Variants in BCAS3 observed in about 807,000 individuals in gnomAD.
The protein encoded by BCAS3 is BCAS4/BCAS3 fusion.
In BCAS3, 53 loss-of-function variants were observed where a neutral mutation model predicts 116.1. The observed-to-expected ratio is 0.46, with a 90% CI of 0.37 to 0.57. The LOEUF is 0.57. Ranked by LOEUF, BCAS3 falls within the 20% of genes least tolerant of loss-of-function variation. BCAS3 has a pLI of 0.00. For missense variants in BCAS3, 917 were observed against 1,165.4 expected, an observed-to-expected ratio of 0.79 and a Z score of 3.10; for synonymous variants, 391 against 408.2, an observed-to-expected ratio of 0.96 and a Z score of 0.51.
intron 22 of BCAS3, among the ~76,000 whole-genome samples, chr17:61,350,977 T>TG (rs1259680076): frequency 6.6e-6 from 1 of 152,142 alleles, no homozygotes; most frequent in African/African-American, 2.4e-5. Context: ...TGCCACAACT[T>TG]GGAGTTATTT....
intron 15 of BCAS3, among the ~76,000 whole-genome samples, chr17:60,991,836 T>G (rs2063543683): frequency 6.6e-6 from 1 of 152,190 alleles, no homozygotes; most frequent in African/African-American, 2.4e-5. Context: ...TTACTTGTCC[T>G]GTATATTTTA....
Position 60,964,648 on chromosome 17 carries a change from CA to C in BCAS3, c.1221+17297del, listed in dbSNP as rs1311520519. Among the ~76,000 whole-genome samples the C allele has an allele frequency of 1.3e-5, 2 of 152,124 alleles. No individual in the cohort carries two copies. Among genetic ancestry groups the C allele is most frequent in the Non-Finnish European group, 2.9e-5 (2 of 68,016 alleles). On this transcript the variant is annotated intron_variant, in intron 14 of 23. Transcript: ENST00000407086. The surrounding 1 kb of genome is among the most constrained non-coding windows in gnomAD (Gnocchi z 4.6). ...TCTTTAAATGTTTGGTAGAATTCAG[CA>C]GTGAAGTTGTGAAGTCCTGGGATTT...
rs554747415 is a variant in BCAS3, at chr17:61,349,592, A to G, written c.2426-18735A>G. Among the ~76,000 whole-genome samples the G allele has an allele frequency of 2.0e-5, 3 of 152,322 alleles. No individual in the cohort carries two copies. The East Asian group carries it at 5.8e-4, about 29-fold the overall frequency. On this transcript the variant is annotated intron_variant, in intron 22 of 23. Transcript: ENST00000407086. This position sits in a 1 kb window ranked among gnomAD's most constrained non-coding sequence, Gnocchi z 4.7. ...GATTGCCTACTCCATTTTGTGGAAT[A>G]ATGGACCTGACTGTAATCCAACATG...
chr17:61,098,150 T>G lies in BCAS3; in HGVS notation c.2425+13586T>G, dbSNP rs934508780. On this transcript the variant is annotated intron_variant, in intron 22 of 23. Transcript: ENST00000407086. The surrounding 1 kb of genome is among the most constrained non-coding windows in gnomAD (Gnocchi z 4.2). ...GATATAAATGGTGCTGGAGGGTCCT[T>G]CTTGCATAGAGAGGTAATCAATATG... Among the ~76,000 whole-genome samples the G allele has an allele frequency of 3.3e-5, 5 of 152,238 alleles. No individual in the cohort carries two copies. Among genetic ancestry groups the G allele is most frequent in the Admixed American group, 2.0e-4 (3 of 15,280 alleles).
chr17:60,942,484 G>A (rs1335871752), intron 13 of BCAS3, among the ~76,000 whole-genome samples: 1 of 152,134 alleles, frequency 6.6e-6, no homozygotes, highest in Non-Finnish European at 1.5e-5. Context: ...ATAACAGTAA[G>A]TAAAGAATAT....
At chr17:60,899,685 A>G (rs1467443164) in intron 10 of BCAS3, among the ~76,000 whole-genome samples, 1 of 152,018 alleles carries the variant, frequency 6.6e-6, no homozygotes, top group African/African-American at 2.4e-5. Flanking sequence ...TTTCATAGAG[A>G]CAGGGTTTCA....
rs1343158003 is a variant in BCAS3 at position 61,205,655 on chromosome 17, G to T, written c.2425+121091G>T. On this transcript the variant is annotated intron_variant, in intron 22 of 23. Transcript: ENST00000407086. The surrounding 1 kb of genome is among the most constrained non-coding windows in gnomAD (Gnocchi z 5.2). ...CCTGCCGTTGGTCTGGAGTGAAGCA[G>T]AGCAGGAGAAAGGGCTCCTCATCAG... Among the ~76,000 whole-genome samples, 1 of 152,194 alleles carries T rather than the reference G, an allele frequency of 6.6e-6. No individual in the cohort carries two copies. The highest frequency in any genetic ancestry group is 1.5e-5 in the Non-Finnish European group (1 of 68,040).
intron 6 of BCAS3, among the ~76,000 whole-genome samples, chr17:60,799,708 CTTTTTTTTTTTTTTTTT>C (rs67510415): frequency 1.8e-4 from 9 of 49,840 alleles, no homozygotes; most frequent in Admixed American, 3.2e-4. Flanking sequence ...TTTTTCTTTT[CTTTTTTTTTTTTTTTTT>C]TTTTTTTTTT....
At chr17:60,951,921 G>A (rs1485419397) in intron 14 of BCAS3, among the ~76,000 whole-genome samples, 9 of 151,776 alleles carry the variant, frequency 5.9e-5, no homozygotes, top group African/African-American at 1.4e-4. Context: ...ATAGGCACCC[G>A]CCACCACACC....
At chr17:60,807,206 A>G (rs969653876) in intron 6 of BCAS3, among the ~76,000 whole-genome samples, 1 of 152,230 alleles carries the variant, frequency 6.6e-6, no homozygotes, top group African/African-American at 2.4e-5. Context: ...CCAAACTATT[A>G]CTGTTGCTTA....
chr17:61,350,786 C>T (rs182141463), intron 22 of BCAS3, among the ~76,000 whole-genome samples: 3 of 152,122 alleles, frequency 2.0e-5, no homozygotes, highest in African/African-American at 7.2e-5. Context: ...GCATGTGCCA[C>T]CACACCTGGC....
At chr17:60,701,957 G>A (rs2036471051) in intron 4 of BCAS3, among the ~76,000 whole-genome samples, 1 of 152,130 alleles carries the variant, frequency 6.6e-6, no homozygotes, top group Non-Finnish European at 1.5e-5. Context: ...CTGGGTGACA[G>A]AGTGAGACTC....
At position 61,300,026 on chromosome 17, in the gene BCAS3, C is replaced by A. The variant is rs895663936; in HGVS notation, c.2426-68301C>A. Reference sequence around the variant, plus strand: ...TTCATTCATCTGGTATCCAGATGATCTCCCTTGATTCTGACAGTTTTGACA... The same window carrying A: ...TTCATTCATCTGGTATCCAGATGATATCCCTTGATTCTGACAGTTTTGACA... On this transcript the variant is annotated intron_variant, in intron 22 of 23. Transcript: ENST00000407086. The surrounding 1 kb of genome is among the most constrained non-coding windows in gnomAD (Gnocchi z 5.1). 2.0e-5 allele frequency among the ~76,000 whole-genome samples: 3 copies of A among 152,152 alleles called. No homozygotes were observed. The highest frequency in any genetic ancestry group is 4.8e-5 in the African/African-American group (2 of 41,446).
At chr17:61,042,577 C>A (rs182626606) in intron 19 of BCAS3, among the ~76,000 whole-genome samples, 37 of 151,942 alleles carry the variant, frequency 2.4e-4, no homozygotes, top group Middle Eastern at 6.8e-3. Context: ...ATGACACCAT[C>A]AAAATTGTAT....
rs866258054 is a variant in BCAS3, at chr17:61,315,408, C to T, written c.2426-52919C>T. Among the ~76,000 whole-genome samples the T allele has an allele frequency of 1.3e-5, 2 of 152,158 alleles. No individual in the cohort carries two copies. The highest frequency in any genetic ancestry group is 4.8e-5 in the African/African-American group (2 of 41,442). ...TGCTGGGATTACAGGTGTGAGCCAC[C>T]GCGCCCAGCCAACGCACTCCTGTTC... is the stretch of plus-strand genomic sequence containing the variant. On this transcript the variant is annotated intron_variant, in intron 22 of 23. Transcript: ENST00000407086. The surrounding 1 kb of genome is among the most constrained non-coding windows in gnomAD (Gnocchi z 5.3).
chr17:61,371,488 A>G (rs2059038728), intron 23 of BCAS3, among the ~76,000 whole-genome samples: 1 of 152,190 alleles, frequency 6.6e-6, no homozygotes, highest in Non-Finnish European at 1.5e-5. Context: ...AGATGAGAAG[A>G]ATAAGTTCAA....
intron 13 of BCAS3, among the ~76,000 whole-genome samples, chr17:60,937,484 A>G (rs1371175191): frequency 6.6e-6 from 1 of 152,156 alleles, no homozygotes; most frequent in African/African-American, 2.4e-5. Context: ...AAGTTGCACC[A>G]ATTTTAAGTA....
intron 9 of BCAS3, among the ~76,000 whole-genome samples, chr17:60,881,176 G>A (rs1420148868): frequency 2.0e-5 from 3 of 151,904 alleles, no homozygotes; most frequent in African/African-American, 4.8e-5. Flanking sequence ...GGATTTCACT[G>A]TGTTAGCCAG....
At position 61,029,568 on chromosome 17, in the gene BCAS3, CAAAT is replaced by C. The variant is rs1311047155; in HGVS notation, c.1638-5092_1638-5089del. Among the ~76,000 whole-genome samples, 4 of 151,838 alleles carry C rather than the reference CAAAT, an allele frequency of 2.6e-5. No individual in the cohort carries two copies. Among genetic ancestry groups the C allele is most frequent in the African/African-American group, 9.7e-5 (4 of 41,376 alleles). On this transcript the variant is annotated intron_variant, in intron 16 of 23. Coordinates refer to ENST00000407086, the MANE Select transcript of BCAS3 (RefSeq NM_017679.5). This position sits in a 1 kb window ranked among gnomAD's most constrained non-coding sequence, Gnocchi z 5.2. Reference sequence around the variant, plus strand: ...AATCTGAATTTTGCTTTCAATATTACAAATAAATAGGAATGTATCAAGCTCTGAA... The same window carrying C: ...AATCTGAATTTTGCTTTCAATATTACAAATAGGAATGTATCAAGCTCTGAA...
Sources: gnomAD v4.1 joint callset for allele counts (sites outside exome capture counted in the v4.1 genomes callset) on GRCh38, gnomAD v4.1.1 for gene constraint, Gnocchi (gnomAD v3.1) non-coding constraint, MANE v1.5 for transcripts, NCBI Gene and HGNC (gene_info 2026-07-23, HGNC 2026-07-21) for gene names.